Variants in PACRG observed in about 807,000 individuals in gnomAD.
PACRG encodes the protein parkin coregulated.
PACRG carries 29 observed loss-of-function variants against 29.7 expected under a neutral mutation model. The ratio of observed to expected loss-of-function variants is 0.98; its 90% CI spans 0.73 to 1.33. The LOEUF is 1.33. Ranked by LOEUF, PACRG falls within the 40% of genes most tolerant of loss-of-function variation. The pLI is 0.00. For synonymous variants in PACRG, 116 were observed against 118.7 expected, an observed-to-expected ratio of 0.98 and a Z score of 0.15; for missense variants, 279 against 316.2, an observed-to-expected ratio of 0.88 and a Z score of 0.89.
intron 4 of PACRG, among the ~76,000 whole-genome samples, chr6:163,175,201 G>A (rs147045950): frequency 4.6e-5 from 7 of 152,240 alleles, no homozygotes; most frequent in Admixed American, 6.5e-5. Context: ...ACTGCGTTCC[G>A]ATCTGCCCTC....
chr6:163,264,269 A>C (rs1240345653), intron 4 of PACRG, among the ~76,000 whole-genome samples: 2 of 152,182 alleles, frequency 1.3e-5, no homozygotes, highest in Non-Finnish European at 1.5e-5. Context: ...TTGTTTCTGC[A>C]CTGGGCAAGG....
At chr6:163,106,027 C>A (rs760866639) in intron 4 of PACRG, among the ~76,000 whole-genome samples, 1 of 152,030 alleles carries the variant, frequency 6.6e-6, no homozygotes, top group African/African-American at 2.4e-5. Context: ...TTATTTAGTG[C>A]TTTTTATAGG....
At chr6:163,301,097 T>C (rs10945888) in intron 4 of PACRG, among the ~76,000 whole-genome samples, 22,501 of 98,300 alleles carry the variant, frequency 0.23, 3,213 homozygotes, top group African/African-American at 0.37. Context: ...GGGCCACGTC[T>C]GCTGCTTCCC....
chr6:163,101,823 A>G (rs4492175), intron 4 of PACRG, among the ~76,000 whole-genome samples: 7,893 of 152,238 alleles, frequency 0.052, 666 homozygotes, highest in African/African-American at 0.17. Context: ...GCTACCTCCA[A>G]AAGCATTAGA....
chr6:163,150,707 G>T (rs1180977942), intron 4 of PACRG, among the ~76,000 whole-genome samples: 1 of 152,200 alleles, frequency 6.6e-6, no homozygotes, highest in South Asian at 2.1e-4. Flanking sequence ...CAATTGTAAC[G>T]ATCCATTGGC....
At chr6:162,869,686 A>G (rs1792633527) in intron 2 of PACRG, among the ~76,000 whole-genome samples, 1 of 152,224 alleles carries the variant, frequency 6.6e-6, no homozygotes, top group Non-Finnish European at 1.5e-5. Flanking sequence ...AGAGTTGGAA[A>G]GCTAGACAGT....
chr6:162,743,378 T>A (rs1034058897), intron 1 of PACRG, among the ~76,000 whole-genome samples: 6 of 152,154 alleles, frequency 3.9e-5, no homozygotes, highest in African/African-American at 9.6e-5. Flanking sequence ...TTAGTGTTAA[T>A]CACTCTTGAA....
chr6:162,914,758 G>C (rs1796589627), intron 2 of PACRG, among the ~76,000 whole-genome samples: 1 of 151,648 alleles, frequency 6.6e-6, no homozygotes, highest in Non-Finnish European at 1.5e-5. Context: ...TTTTAGTGCA[G>C]AGTCATAAAT....
At chr6:162,987,104 A>G (rs545681934) in intron 2 of PACRG, among the ~76,000 whole-genome samples, 1 of 152,156 alleles carries the variant, frequency 6.6e-6, no homozygotes, top group African/African-American at 2.4e-5. Flanking sequence ...GTTTTGTCAT[A>G]TTACCAGAAT....
intron 4 of PACRG, among the ~76,000 whole-genome samples, chr6:163,244,227 T>C (rs1408408704): frequency 6.6e-6 from 1 of 152,196 alleles, no homozygotes; most frequent in Non-Finnish European, 1.5e-5. Context: ...TCATTTTTTT[T>C]CCTAAAAGAA....
At chr6:162,911,093 G>A (rs189020016) in intron 2 of PACRG, among the ~76,000 whole-genome samples, 1 of 152,172 alleles carries the variant, frequency 6.6e-6, no homozygotes, top group African/African-American at 2.4e-5. Flanking sequence ...GTCATGATGC[G>A]CATCTGCATC....
Position 163,214,561 on chromosome 6 carries a change from T to G in PACRG, c.614-100266T>G, listed in dbSNP as rs1289488334. 3.5e-4 allele frequency among the ~76,000 whole-genome samples: 53 copies of G among 152,084 alleles called. No individual in the cohort carries two copies. In the Middle Eastern group the frequency reaches 0.017, roughly 49 times the overall value. ...ATCATCTTTTAAATCCATTCATATATATTTAATCTTTTTTTAATTTTTATT... is the reference window on the plus strand; with the variant it reads ...ATCATCTTTTAAATCCATTCATATAGATTTAATCTTTTTTTAATTTTTATT... On this transcript the variant is annotated intron_variant, in intron 4 of 4. Coordinates refer to ENST00000366888, the MANE Select transcript of PACRG (RefSeq NM_001080379.2).
At chr6:162,782,996 G>T (rs1327331326) in intron 1 of PACRG, among the ~76,000 whole-genome samples, 2 of 151,786 alleles carry the variant, frequency 1.3e-5, no homozygotes, top group African/African-American at 4.8e-5. Flanking sequence ...AGCAGAAAAA[G>T]TTCTTCTAAA....
chr6:162,728,496 GTCTTTGCC>G, intron 1 of PACRG, 105 bp downstream of exon 1: 1 of 1,404,758 alleles, frequency 7.1e-7, no homozygotes, highest in African/African-American at 1.4e-5. Flanking sequence ...GTCCTGGGTG[GTCTTTGCC>G]AAAAAAGGCA....
intron 3 of PACRG, among the ~76,000 whole-genome samples, chr6:163,079,025 T>G (rs1812824462): frequency 6.6e-6 from 1 of 152,128 alleles, no homozygotes; most frequent in Admixed American, 6.5e-5. Flanking sequence ...GGATCCCAGC[T>G]TGCTACTAAC....
chr6:163,004,508 A>G (rs1231069307), intron 2 of PACRG, among the ~76,000 whole-genome samples: 2 of 151,152 alleles, frequency 1.3e-5, no homozygotes, highest in Non-Finnish European at 2.9e-5. Context: ...CGCCTTATAA[A>G]ACCATCAGTT....
intron 2 of PACRG, among the ~76,000 whole-genome samples, chr6:162,909,554 C>CAAAAAAAAAAAAAAAA (rs562001835): frequency 1.4e-5 from 1 of 70,088 alleles, no homozygotes; most frequent in Non-Finnish European, 3.0e-5. Flanking sequence ...GACTCCATCT[C>CAAAAAAAAAAAAAAAA]AAAAAAAAAA....
At position 163,012,750 on chromosome 6, in the gene PACRG, C is replaced by T. The variant is rs111507162; in HGVS notation, c.292-49400C>T. 6.8e-3 allele frequency among the ~76,000 whole-genome samples: 1,038 copies of T among 152,334 alleles called. 14 individuals carry two copies. The highest frequency in any genetic ancestry group is 0.024 in the African/African-American group (978 of 41,582). On this transcript the variant is annotated intron_variant, in intron 2 of 4. Coordinates refer to ENST00000366888, the MANE Select transcript of PACRG (RefSeq NM_001080379.2). ...ATCATTCTCTAGTTATGGGACTACC[C>T]ATTCATTTCCCTGACAGAAGTGTAA...
chr6:162,889,180 A>T (rs764301016), intron 2 of PACRG, among the ~76,000 whole-genome samples: 4 of 152,186 alleles, frequency 2.6e-5, no homozygotes, highest in Non-Finnish European at 5.9e-5. Flanking sequence ...TTATTCATCA[A>T]GGTGGTCAAA....
Sources: gnomAD v4.1 joint callset for allele counts (sites outside exome capture counted in the v4.1 genomes callset) on GRCh38, gnomAD v4.1.1 for gene constraint, MANE v1.5 for transcripts, NCBI Gene and HGNC (gene_info 2026-07-23, HGNC 2026-07-21) for gene names.